The following MAP3K15 variants were observed in gnomAD, a reference collection of about 807,000 sequenced individuals.
The protein encoded by MAP3K15 is MAPK/ERK kinase kinase 15.
In MAP3K15, 124 loss-of-function variants were observed where a neutral mutation model predicts 99.5. The observed-to-expected ratio is 1.25, with a 90% confidence interval of 1.08 to 1.45. MAP3K15 has a LOEUF of 1.45. Ranked by LOEUF, MAP3K15 falls within the 40% of genes most tolerant of loss-of-function variation. The pLI is 0.00. For missense variants in MAP3K15, 1,242 were observed against 1,079.7 expected (o/e 1.15, Z -2.11); for synonymous variants, 494 against 439.6 (o/e 1.12, Z -1.55).
In MAP3K15 at chrX:19,461,131, C is replaced by A. The variant is rs763204298; in HGVS notation, c.720-978G>T. ...AGTAGCTGGGACCATAGGCGCCCGC[C>A]ACCATGCCCAGTTAAATTTTTGTAT... is the stretch of plus-strand genomic sequence containing the variant. On this transcript the variant is annotated intron_variant, in intron 4 of 28. Transcript: ENST00000338883. Among the ~76,000 whole-genome samples, 309 of 112,381 alleles carry A rather than the reference C, an allele frequency of 2.7e-3. 2 individuals carry two copies. The highest frequency in any genetic ancestry group is 4.6e-3 in the Middle Eastern group (1 of 218).
At chrX:19,473,526 G>A (rs143659364) in intron 3 of MAP3K15, among the ~76,000 whole-genome samples, 163 of 112,215 alleles carry the variant, frequency 1.5e-3, no homozygotes, top group African/African-American at 4.7e-3. Flanking sequence ...TTTAACAAAC[G>A]CAGTTTAGTT....
At chrX:19,479,336 T>A (rs2064274020) in intron 3 of MAP3K15, among the ~76,000 whole-genome samples, 2 of 110,563 alleles carry the variant, frequency 1.8e-5, no homozygotes, top group South Asian at 7.8e-4. Flanking sequence ...GGCCATTTCA[T>A]CCCAACCCAA....
intron 6 of MAP3K15, among the ~76,000 whole-genome samples, chrX:19,437,058 C>T (rs1456788157): frequency 8.9e-6 from 1 of 111,888 alleles, no homozygotes; most frequent in Non-Finnish European, 1.9e-5. Context: ...ATCCATTCTT[C>T]CTCTTACTCA....
At chrX:19,506,090 G>A (rs1023323667) in intron 1 of MAP3K15, among the ~76,000 whole-genome samples, 2 of 111,099 alleles carry the variant, frequency 1.8e-5, no homozygotes, top group African/African-American at 6.6e-5. Context: ...CTGCCACAAC[G>A]CCCAGCTAAT....
intron 1 of MAP3K15, among the ~76,000 whole-genome samples, chrX:19,504,243 A>G (rs914597831): frequency 1.8e-5 from 2 of 111,618 alleles, no homozygotes; most frequent in Non-Finnish European, 3.8e-5. Flanking sequence ...CAACAGACGA[A>G]TCCCCAAGGC....
chrX:19,372,508 A>G (rs2063382702), intron 22 of MAP3K15, 145 bp downstream of exon 22: 1 of 453,423 alleles, frequency 2.2e-6, no homozygotes, highest in South Asian at 6.5e-5. Flanking sequence ...GAAGGGAAGG[A>G]CGTTAGGGAA....
chrX:19,405,940 T>G (rs1452426720), intron 13 of MAP3K15, among the ~76,000 whole-genome samples: 1 of 112,295 alleles, frequency 8.9e-6, no homozygotes, highest in Admixed American at 9.5e-5. Context: ...TTAATTGGAC[T>G]AAGAATTTGA....
At chrX:19,504,800 C>CA (rs1333386324) in intron 1 of MAP3K15, among the ~76,000 whole-genome samples, 1 of 110,005 alleles carries the variant, frequency 9.1e-6, no homozygotes, top group Non-Finnish European at 1.9e-5. Context: ...CTTGTCTGTA[C>CA]AAAAAACTAG....
At chrX:19,410,404 A>T (rs1271826855) in intron 11 of MAP3K15, among the ~76,000 whole-genome samples, 2 of 112,166 alleles carry the variant, frequency 1.8e-5, no homozygotes, top group Admixed American at 9.5e-5. Flanking sequence ...CTCCCTGAAC[A>T]TAGAGCTGAA....
At chrX:19,505,903 C>T (rs969964727) in intron 1 of MAP3K15, among the ~76,000 whole-genome samples, 4 of 109,106 alleles carry the variant, frequency 3.7e-5, no homozygotes, top group Non-Finnish European at 5.7e-5. Context: ...CACGCCACCA[C>T]GCAAGGCTAA....
chrX:19,405,784 A>G (rs2063643816), intron 13 of MAP3K15, among the ~76,000 whole-genome samples: 1 of 112,421 alleles, frequency 8.9e-6, no homozygotes, highest in Admixed American at 9.5e-5. Context: ...AAATAACCAT[A>G]TGCATAGAGC....
At chrX:19,507,464 C>T (rs184879325) in intron 1 of MAP3K15, among the ~76,000 whole-genome samples, 124 of 105,643 alleles carry the variant, frequency 1.2e-3, no homozygotes, top group African/African-American at 3.9e-3. Context: ...TAAGTCCCAG[C>T]GACTCGGGAG....
In MAP3K15 at chrX:19,426,580, C is replaced by T. The variant is rs2063831732; in HGVS notation, c.1167-237G>A. 3.6e-5 allele frequency among the ~76,000 whole-genome samples: 4 copies of T among 110,065 alleles called. No homozygotes were observed. The South Asian group carries it at 1.2e-3, about 32-fold the overall frequency. ...CTGTAATCCCAGCACTTTGGGAGGCCGAGGCACGTGGACCACTTGAGGCCA... is the reference window on the plus strand; with the variant it reads ...CTGTAATCCCAGCACTTTGGGAGGCTGAGGCACGTGGACCACTTGAGGCCA... On this transcript the variant is annotated intron_variant, in intron 7 of 28. Coordinates refer to ENST00000338883, the MANE Select transcript of MAP3K15 (RefSeq NM_001001671.4).
At chrX:19,486,253 T>C (rs1228949321) in intron 3 of MAP3K15, among the ~76,000 whole-genome samples, 2 of 111,762 alleles carry the variant, frequency 1.8e-5, no homozygotes, top group Non-Finnish European at 3.8e-5. Context: ...ACATACACTT[T>C]CTTGCCTGGC....
rs187226544 is a variant in MAP3K15, at chrX:19,436,063, A to G, written c.996-4455T>C. Among the ~76,000 whole-genome samples the G allele has an allele frequency of 5.7e-3, 626 of 109,955 alleles. 10 individuals carry two copies. Among genetic ancestry groups the G allele is most frequent in the African/African-American group, 0.02 (590 of 30,159 alleles). ...CAGCTACTCGGGAGGCTGAGATAGG[A>G]GAATCACTTGAACCCAGGAGGCGGA... On this transcript the variant is annotated intron_variant, in intron 6 of 28. Coordinates refer to ENST00000338883, the MANE Select transcript of MAP3K15 (RefSeq NM_001001671.4).
At chrX:19,414,334 TA>T in intron 10 of MAP3K15, 2 of 202,111 alleles carry the variant, frequency 9.9e-6, no homozygotes, top group Non-Finnish European at 1.5e-5. Flanking sequence ...ATTTCATAAC[TA>T]AAAAAAGATT....
chrX:19,390,562 A>G (rs931273882), intron 18 of MAP3K15, among the ~76,000 whole-genome samples: 2 of 104,953 alleles, frequency 1.9e-5, no homozygotes, highest in Non-Finnish European at 3.9e-5. Context: ...TATAAATATA[A>G]TATGTAATAA....
At chrX:19,441,089 C>T (rs1057294349) in intron 6 of MAP3K15, among the ~76,000 whole-genome samples, 3 of 112,226 alleles carry the variant, frequency 2.7e-5, no homozygotes, top group Non-Finnish European at 5.6e-5. Flanking sequence ...AGTCCTGACA[C>T]ATGATACCAC....
intron 18 of MAP3K15, among the ~76,000 whole-genome samples, chrX:19,387,520 G>A (rs1381981085): frequency 9.0e-6 from 1 of 110,898 alleles, no homozygotes; most frequent in East Asian, 2.8e-4. Flanking sequence ...CCGAGTAGCT[G>A]AGACTACAAG....
Sources: gnomAD v4.1 joint callset for allele counts (sites outside exome capture counted in the v4.1 genomes callset) on GRCh38, gnomAD v4.1.1 for gene constraint, MANE v1.5 for transcripts, NCBI Gene and HGNC (gene_info 2026-07-23, HGNC 2026-07-21) for gene names.